The following RBFOX1 variants were observed in gnomAD, a reference collection of about 807,000 sequenced individuals.
The protein encoded by RBFOX1 is RNA binding protein fox-1 homolog 1.
Under a neutral mutation model 57.7 loss-of-function variants are expected in RBFOX1, and 8 were observed. The ratio of observed to expected loss-of-function variants is 0.14; its 90% confidence interval spans 0.08 to 0.25. RBFOX1 has a LOEUF of 0.25. Among genes scored for constraint, RBFOX1 ranks in the 10% least tolerant of loss-of-function variants. The probability of loss-of-function intolerance (pLI) is 1.00; values close to 1 mark genes in which losing one functional copy is unlikely to be tolerated. For synonymous variants in RBFOX1, 326 were observed against 222.4 expected (o/e 1.47, Z -4.15); for missense variants, 611 against 548.5 (o/e 1.11, Z -1.14).
chr16:5,575,255 A>C (rs1456152314), intron 2 of RBFOX1, among the ~76,000 whole-genome samples: 1 of 152,182 alleles, frequency 6.6e-6, no homozygotes, highest in Non-Finnish European at 1.5e-5. Context: ...GAATGGATGA[A>C]GTTAAAGAAA....
At chr16:5,849,619 G>T (rs568448927) in intron 3 of RBFOX1, among the ~76,000 whole-genome samples, 39 of 152,260 alleles carry the variant, frequency 2.6e-4, no homozygotes, top group African/African-American at 7.5e-4. Flanking sequence ...CTCAGAGTCA[G>T]GAAATCTGGA....
intron 2 of RBFOX1, among the ~76,000 whole-genome samples, chr16:6,612,863 A>T (rs12445092): frequency 0.019 from 2,470 of 132,232 alleles, 36 homozygotes; most frequent in Middle Eastern, 0.055. Context: ...AAAAAAAAAA[A>T]AATAATAATA....
intron 2 of RBFOX1, among the ~76,000 whole-genome samples, chr16:6,533,537 CT>C (rs1412301882): frequency 6.6e-6 from 1 of 152,136 alleles, no homozygotes; most frequent in African/African-American, 2.4e-5. Context: ...GTGCTTTTAC[CT>C]AGCCCCTTAA....
chr16:5,354,291 C>A (rs761853058), intron 1 of RBFOX1, among the ~76,000 whole-genome samples: 11 of 152,142 alleles, frequency 7.2e-5, no homozygotes, highest in Non-Finnish European at 1.3e-4. Flanking sequence ...TTGGTTGGAC[C>A]ACTTTTTTTT....
At chr16:6,963,914 G>T (rs776583282) in intron 3 of RBFOX1, among the ~76,000 whole-genome samples, 1 of 152,058 alleles carries the variant, frequency 6.6e-6, no homozygotes, top group East Asian at 1.9e-4. Context: ...TAGCCAAGAC[G>T]GTGTCGATCT....
intron 2 of RBFOX1, among the ~76,000 whole-genome samples, chr16:6,599,318 G>T (rs976146930): frequency 2.0e-5 from 3 of 152,152 alleles, no homozygotes; most frequent in Non-Finnish European, 4.4e-5. Context: ...TTTGCAGTCA[G>T]CCAGGGGTCC....
chr16:5,911,449 G>C (rs115373662), intron 4 of RBFOX1, among the ~76,000 whole-genome samples: 6 of 152,084 alleles, frequency 3.9e-5, no homozygotes, highest in African/African-American at 1.4e-4. Flanking sequence ...AGCATTTCAC[G>C]CTTCATCCCC....
At chr16:7,256,727 A>G (rs1022732359) in intron 4 of RBFOX1, among the ~76,000 whole-genome samples, 20 of 152,274 alleles carry the variant, frequency 1.3e-4, no homozygotes, top group African/African-American at 4.8e-4. Flanking sequence ...GCCCAGGGCC[A>G]TGTTCACTGG....
intron 1 of RBFOX1, among the ~76,000 whole-genome samples, chr16:5,336,063 G>T (rs2064888420): frequency 6.6e-6 from 1 of 152,126 alleles, no homozygotes; most frequent in African/African-American, 2.4e-5. Context: ...CCATAGCAAG[G>T]AATTAACCTC....
chr16:5,497,035 A>AT lies in RBFOX1; in HGVS notation c.258+29789dup, dbSNP rs545439395. Among the ~76,000 whole-genome samples, 61 of 152,184 alleles carry AT rather than the reference A, an allele frequency of 4.0e-4. No homozygotes were observed. In the East Asian group the frequency reaches 0.01, roughly 26 times the overall value. The stretch of plus-strand genomic sequence containing the variant: ...GGGAGGGGGATATTGAGTAAATTGA[A>AT]TTTTTTTTACTTTCACAATCGTTTT... On this transcript the variant is annotated intron_variant, in intron 2 of 2. Coordinates refer to the RBFOX1 transcript ENST00000585867.
intron 1 of RBFOX1, among the ~76,000 whole-genome samples, chr16:5,434,792 A>G (rs1010595814): frequency 1.3e-5 from 2 of 152,178 alleles, no homozygotes; most frequent in African/African-American, 2.4e-5. Flanking sequence ...GCATAGTTAT[A>G]TAACTAATAT....
intron 4 of RBFOX1, among the ~76,000 whole-genome samples, chr16:7,481,737 C>T (rs1241614816): frequency 6.6e-6 from 1 of 152,080 alleles, no homozygotes; most frequent in South Asian, 2.1e-4. Flanking sequence ...CTGCAATAAA[C>T]CCATCATAAG....
intron 1 of RBFOX1, among the ~76,000 whole-genome samples, chr16:5,405,155 C>G (rs1000304836): frequency 6.6e-6 from 1 of 152,206 alleles, no homozygotes; most frequent in Non-Finnish European, 1.5e-5. Context: ...GGGCTCCTCA[C>G]TGCTGTGTGG....
intron 4 of RBFOX1, among the ~76,000 whole-genome samples, chr16:7,263,746 A>G (rs2095018734): frequency 6.6e-6 from 1 of 151,912 alleles, no homozygotes; most frequent in Non-Finnish European, 1.5e-5. Context: ...AAATACAAAA[A>G]TTAGCTGGGT....
intron 3 of RBFOX1, among the ~76,000 whole-genome samples, chr16:6,963,081 C>T (rs1379004726): frequency 6.6e-6 from 1 of 152,158 alleles, no homozygotes; most frequent in African/African-American, 2.4e-5. Flanking sequence ...TCCAGGCCCA[C>T]CTTCCCTCTC....
At chr16:5,847,290 C>T (rs2056781090) in intron 3 of RBFOX1, among the ~76,000 whole-genome samples, 2 of 150,870 alleles carry the variant, frequency 1.3e-5, no homozygotes, top group Non-Finnish European at 2.9e-5. Context: ...ACTTGGATTC[C>T]ATTTCCAGCT....
chr16:6,852,147 T>C (rs8057091), intron 3 of RBFOX1, among the ~76,000 whole-genome samples: 120,632 of 151,850 alleles, frequency 0.79, 48,742 homozygotes, highest in African/African-American at 0.95. Flanking sequence ...TTTGGTGATC[T>C]GATGTCTGAA....
At chr16:5,657,588 T>C (rs577849561) in intron 3 of RBFOX1, among the ~76,000 whole-genome samples, 2 of 152,244 alleles carry the variant, frequency 1.3e-5, no homozygotes, top group East Asian at 3.9e-4. Context: ...GTTTGAGGTC[T>C]GTAAATTCTT....
intron 4 of RBFOX1, among the ~76,000 whole-genome samples, chr16:7,311,478 C>CTTT (rs1190746565): frequency 0.068 from 8,387 of 122,442 alleles, 528 homozygotes; most frequent in Middle Eastern, 0.13. Context: ...TGAGCCTTTT[C>CTTT]TTTTTTTTTT....
Sources: allele counts gnomAD v4.1 joint callset (sites outside exome capture counted in the v4.1 genomes callset), GRCh38; gene constraint gnomAD v4.1.1; transcripts MANE v1.5; gene names NCBI Gene and HGNC (gene_info 2026-07-23, HGNC 2026-07-21).